The following CLCN3 variants were observed in gnomAD, a reference collection of about 807,000 sequenced individuals.
CLCN3 encodes the protein H(+)/Cl(-) exchange transporter 3.
In CLCN3, 16 loss-of-function variants were observed where a neutral mutation model predicts 83.4. That is an observed-to-expected ratio of 0.19 (90% CI 0.13 to 0.29). The LOEUF is 0.29. CLCN3 is among the 10% of genes least tolerant of loss of function. CLCN3 has a pLI of 1.00. For missense variants in CLCN3, 544 were observed against 1,006.0 expected (o/e 0.54, Z 6.21); for synonymous variants, 322 against 346.2 (o/e 0.93, Z 0.78).
intron 9 of CLCN3, among the ~76,000 whole-genome samples, chr4:169,702,054 C>T (rs1453153473): frequency 1.3e-5 from 2 of 152,210 alleles, no homozygotes; most frequent in Admixed American, 6.5e-5. Context: ...TGAGCCCACT[C>T]ACCCAACTCC....
chr4:169,667,004 T>C (rs1052018554), intron 2 of CLCN3, among the ~76,000 whole-genome samples: 1 of 152,230 alleles, frequency 6.6e-6, no homozygotes, highest in African/African-American at 2.4e-5. Flanking sequence ...GGAAAGATTA[T>C]TTTAATTCTG....
chr4:169,709,048 TTATG>T (rs1733098168), intron 11 of CLCN3, among the ~76,000 whole-genome samples: 1 of 148,260 alleles, frequency 6.7e-6, no homozygotes, highest in African/African-American at 2.4e-5. Flanking sequence ...TATATGAAAA[TTATG>T]TACGTAAATG....
chr4:169,645,607 G>T (rs976001766), intron 2 of CLCN3, among the ~76,000 whole-genome samples: 5 of 152,024 alleles, frequency 3.3e-5, no homozygotes, highest in Non-Finnish European at 5.9e-5. Flanking sequence ...ATGGTAATTG[G>T]GCCTTCTGTT....
chr4:169,684,761 A>C (rs1238727508), intron 3 of CLCN3, among the ~76,000 whole-genome samples: 1 of 152,186 alleles, frequency 6.6e-6, no homozygotes, highest in Non-Finnish European at 1.5e-5. Context: ...CTAAACTTCT[A>C]ATTCTTAAAT....
intron 1 of CLCN3, among the ~76,000 whole-genome samples, chr4:169,630,510 A>AT (rs1366734382): frequency 5.3e-5 from 8 of 151,680 alleles, no homozygotes; most frequent in Admixed American, 2.0e-4. Context: ...TATGTACCAT[A>AT]TTTTCTTTTC....
At chr4:169,643,804 G>A (rs1277850950) in intron 2 of CLCN3, among the ~76,000 whole-genome samples, 1 of 152,170 alleles carries the variant, frequency 6.6e-6, no homozygotes, top group Non-Finnish European at 1.5e-5. Flanking sequence ...CCAAAGTGTT[G>A]GGAAGCTGTC....
rs142659849 is a variant in CLCN3, at chr4:169,655,873, C to T, written c.160+19785C>T. ...TCCTGTGATATGTTATTTGGGTAAC[C>T]GGATAGCTATATTGGAAACTAAAAC... On this transcript the variant is annotated intron_variant, in intron 2 of 12. Transcript: ENST00000513761. Among the ~76,000 whole-genome samples the T allele has an allele frequency of 8.6e-3, 1,316 of 152,154 alleles. 20 individuals carry two copies. The highest frequency in any genetic ancestry group is 0.03 in the African/African-American group (1,225 of 41,510).
At chr4:169,627,051 A>G (rs545307640) in intron 1 of CLCN3, among the ~76,000 whole-genome samples, 36 of 152,226 alleles carry the variant, frequency 2.4e-4, no homozygotes, top group Non-Finnish European at 4.6e-4. Context: ...TTGGCTTACT[A>G]AAATTCATGT....
At chr4:169,678,604 G>C (rs999830035) in intron 2 of CLCN3, among the ~76,000 whole-genome samples, 1 of 152,030 alleles carries the variant, frequency 6.6e-6, no homozygotes, top group Non-Finnish European at 1.5e-5. Context: ...CTTGAGATTA[G>C]GGAGTGGTGA....
chr4:169,654,880 T>A (rs1322386985), intron 2 of CLCN3, among the ~76,000 whole-genome samples: 1 of 152,214 alleles, frequency 6.6e-6, no homozygotes, highest in Non-Finnish European at 1.5e-5. Flanking sequence ...TGTTAATCTA[T>A]GAAAATACTC....
chr4:169,686,126 G>A (rs1278232902), intron 3 of CLCN3, among the ~76,000 whole-genome samples: 3 of 151,992 alleles, frequency 2.0e-5, no homozygotes, highest in African/African-American at 7.3e-5. Flanking sequence ...TGAACAATGA[G>A]AACACATGGA....
intron 2 of CLCN3, among the ~76,000 whole-genome samples, chr4:169,678,581 G>T (rs902383998): frequency 2.0e-5 from 3 of 152,150 alleles, no homozygotes; most frequent in African/African-American, 7.2e-5. Context: ...CACAGTGTTT[G>T]TGTCCCTGGG....
rs1452095527 is a variant in CLCN3 at position 169,631,682 on chromosome 4, A to G, written c.-16-4231A>G. ...ATTAGACCTTTGTCAGACGTTAGCT[A>G]GATTAACAGAGAAAGAGACAAGATC... On this transcript the variant is annotated intron_variant, in intron 1 of 12. Coordinates refer to ENST00000513761, the MANE Select transcript of CLCN3 (RefSeq NM_001829.4). Among the ~76,000 whole-genome samples, 3 of 152,212 alleles carry G rather than the reference A, an allele frequency of 2.0e-5. No individual in the cohort carries two copies. The East Asian group carries it at 5.8e-4, about 29-fold the overall frequency.
rs1581203180 is a variant in CLCN3 at position 169,647,006 on chromosome 4, G to T, written c.160+10918G>T. The stretch of plus-strand genomic sequence containing the variant: ...GATAATTTTAGCCTGAGTGCCCAAA[G>T]TTTAAACTTACTTATACTTTCTGCA... On this transcript the variant is annotated intron_variant, in intron 2 of 12. Coordinates refer to ENST00000513761, the MANE Select transcript of CLCN3 (RefSeq NM_001829.4). Among the ~76,000 whole-genome samples, 3 of 152,198 alleles carry T rather than the reference G, an allele frequency of 2.0e-5. No individual in the cohort carries two copies. In the East Asian group the frequency reaches 5.8e-4, roughly 29 times the overall value.
chr4:169,706,938 T>C lies in CLCN3; in HGVS notation c.1821T>C (p.Ile607=), dbSNP rs771285804. The C allele has an allele frequency of 6.2e-7, 1 of 1,614,120 alleles. No individual in the cohort carries two copies. Among genetic ancestry groups the C allele is most frequent in the Admixed American group, 1.7e-5 (1 of 60,016 alleles). ...VFELTGGLEY[I]VPLMAAVMTS... is the part of the protein sequence containing the mutation. ...AGCTTACTGGAGGCTTGGAATATAT[T>C]GTTCCCCTTATGGCTGCAGTCATGA... The change falls in exon 11 of 13, where the codon ATT becomes ATC. Residue 607 remains isoleucine, a synonymous_variant. Transcript: ENST00000513761.
chr4:169,698,544 G>A (rs1475920709), intron 9 of CLCN3, among the ~76,000 whole-genome samples: 4 of 152,228 alleles, frequency 2.6e-5, no homozygotes, highest in African/African-American at 4.8e-5. Context: ...GTCTTGCAGC[G>A]TGACTTGTTT....
At chr4:169,684,701 A>G (rs916440628) in intron 3 of CLCN3, among the ~76,000 whole-genome samples, 4 of 152,194 alleles carry the variant, frequency 2.6e-5, no homozygotes, top group Non-Finnish European at 5.9e-5. Context: ...TATTGTTTCT[A>G]GCCTCCTAAG....
In CLCN3 at chr4:169,720,298, G is replaced by C; in HGVS notation, c.*301G>C. 1 of 416,028 alleles carries C rather than the reference G, an allele frequency of 2.4e-6. No individual in the cohort carries two copies. Among genetic ancestry groups the C allele is most frequent in the Non-Finnish European group, 4.3e-6 (1 of 234,250 alleles). The allele number at this position is 416,028 out of a possible 1,614,324, so 25.8% of individuals were successfully genotyped here. A position where few individuals can be genotyped will look rare whatever the true frequency, so the allele number is the denominator to read the frequency against. Reference sequence around the variant, plus strand: ...TTCAGCTGAGGATGTGCCTGATAGTGCAGGCTTGCGCCTCAACAGAGATGA... The same window carrying C: ...TTCAGCTGAGGATGTGCCTGATAGTCCAGGCTTGCGCCTCAACAGAGATGA... On this transcript the variant is annotated 3_prime_UTR_variant, in exon 13 of 13. Coordinates refer to ENST00000513761, the MANE Select transcript of CLCN3 (RefSeq NM_001829.4).
chr4:169,713,412 C>CT (rs1733301135), intron 12 of CLCN3, 117 bp downstream of exon 12: 1 of 727,042 alleles, frequency 1.4e-6, no homozygotes, highest in Admixed American at 2.3e-5. Flanking sequence ...AAAGTCTGTC[C>CT]TATGGTATAG....
Sources: allele counts gnomAD v4.1 joint callset (sites outside exome capture counted in the v4.1 genomes callset), GRCh38; gene constraint gnomAD v4.1.1; transcripts MANE v1.5; gene names NCBI Gene and HGNC (gene_info 2026-07-23, HGNC 2026-07-21).